Variants in OTOA observed in about 807,000 individuals in gnomAD.
OTOA encodes the protein otoancorin.
Under a neutral mutation model 110.8 loss-of-function variants are expected in OTOA, and 70 were observed. That is an observed-to-expected ratio of 0.63 (90% CI 0.52 to 0.77). The LOEUF (loss-of-function observed/expected upper bound fraction) is 0.77. Ranked by LOEUF, OTOA falls within the 30% of genes least tolerant of loss-of-function variation. The pLI, the probability that OTOA is intolerant of heterozygous loss-of-function variation, is 0.00. For synonymous variants in OTOA, 373 were observed against 431.5 expected (o/e 0.86, Z 1.68); for missense variants, 917 against 1,075.8 (o/e 0.85, Z 2.06).
At chr16:21,696,794 T>G (rs890944462) in intron 9 of OTOA, among the ~76,000 whole-genome samples, 1 of 152,044 alleles carries the variant, frequency 6.6e-6, no homozygotes, top group Non-Finnish European at 1.5e-5. Flanking sequence ...GCCTCATGTT[T>G]CCAGATTATT....
At chr16:21,728,757 T>A (rs981164046) in intron 20 of OTOA, among the ~76,000 whole-genome samples, 3 of 152,010 alleles carry the variant, frequency 2.0e-5, no homozygotes, top group African/African-American at 7.2e-5. Context: ...CCCAGCTATT[T>A]TTTGCATTTT....
At chr16:21,720,325 C>T (rs1343564875) in intron 17 of OTOA, among the ~76,000 whole-genome samples, 7 of 152,122 alleles carry the variant, frequency 4.6e-5, no homozygotes, top group South Asian at 4.1e-4. Flanking sequence ...TGGTGTGAAC[C>T]GCTGGCTTAC....
chr16:21,706,110 A>G (rs2141681718), intron 12 of OTOA, among the ~76,000 whole-genome samples: 1 of 152,260 alleles, frequency 6.6e-6, no homozygotes, highest in East Asian at 1.9e-4. Context: ...AGAAAAGAAA[A>G]GAAAGGGACA....
chr16:21,726,823 C>T (rs1179876895), intron 19 of OTOA, among the ~76,000 whole-genome samples, 165 bp downstream of exon 19: 1 of 151,976 alleles, frequency 6.6e-6, no homozygotes. Flanking sequence ...ACAATCTTTT[C>T]CATTGGTTCT....
At chr16:21,726,689 C>T (rs954638743) in intron 19 of OTOA, 31 bp downstream of exon 19, 2 of 1,613,646 alleles carry the variant, frequency 1.2e-6, no homozygotes, top group African/African-American at 1.3e-5. Context: ...TGTCCCCTCC[C>T]TCTGGGTATC....
chr16:21,716,863 T>C, intron 14 of OTOA, 44 bp from the exon 15 acceptor site: 1 of 1,612,116 alleles, frequency 6.2e-7, no homozygotes, highest in Non-Finnish European at 8.5e-7. Flanking sequence ...CAAAGCTCAA[T>C]GCATTTTTTA....
intron 1 of OTOA, among the ~76,000 whole-genome samples, chr16:21,675,079 T>G (rs200021659): frequency 2.9e-5 from 3 of 102,806 alleles, no homozygotes; most frequent in South Asian, 2.9e-4. Context: ...CTTTCTTTCT[T>G]TCTTTCTTTC....
At chr16:21,699,637 G>A (rs939763430) in intron 10 of OTOA, among the ~76,000 whole-genome samples, 1 of 151,064 alleles carries the variant, frequency 6.6e-6, no homozygotes, top group Non-Finnish European at 1.5e-5. Flanking sequence ...ACTGTGTCTT[G>A]GCCGGGCGCA....
Position 21,728,259 on chromosome 16 carries a change from G to A in OTOA, c.2035G>A (p.Glu679Lys), listed in dbSNP as rs1341252604. ...GGTTCAGGACGACTCCATTGCTGAT[G>A]AGTACACTGTGGACATCATGGGGAA... ...QQCLDDSIAD[E>K]YTVDIMGNLL... The change falls in exon 20 of 29, where the codon GAG becomes AAG. Residue 679 changes from glutamate (E) to lysine (K), a missense_variant. Glu to Lys is a moderately conservative substitution (Grantham distance 56). Coordinates refer to ENST00000646100, the MANE Select transcript of OTOA (RefSeq NM_144672.4). The A allele has an allele frequency of 1.2e-6, 2 of 1,614,062 alleles. No homozygotes were observed. Among genetic ancestry groups the A allele is most frequent in the East Asian group, 2.2e-5 (1 of 44,886 alleles).
At chr16:21,675,145 T>TC in intron 1 of OTOA, among the ~76,000 whole-genome samples, 1 of 147,548 alleles carries the variant, frequency 6.8e-6, no homozygotes, top group South Asian at 2.1e-4. Context: ...CCTTCTTTCT[T>TC]TTTCTTTCTC....
At chr16:21,714,397 TTCTCTTTCTTTCTC>T (rs1898474626) in intron 13 of OTOA, among the ~76,000 whole-genome samples, 1 of 78,804 alleles carries the variant, frequency 1.3e-5, no homozygotes. Context: ...CTCTCTTTCT[TTCTCTTTCTTTCTC>T]TTTCTTTCTT....
In OTOA at chr16:21,687,630, A is replaced by G; in HGVS notation, c.617A>G (p.Glu206Gly). The G allele has an allele frequency of 6.2e-7, 1 of 1,603,766 alleles. No homozygotes were observed. Among genetic ancestry groups the G allele is most frequent in the Middle Eastern group, 1.7e-4 (1 of 5,720 alleles). ...ITERLPRDLREDAFKNLSAVF... is the reference protein window; with the variant it reads ...ITERLPRDLRGDAFKNLSAVF... ...GAGCGGCTCCCTCGGGACCTGCGCGAGGATGCCTTTAAGAACCTGTGAGTG... is the reference window on the plus strand; with the variant it reads ...GAGCGGCTCCCTCGGGACCTGCGCGGGGATGCCTTTAAGAACCTGTGAGTG... Residue 206 changes from glutamate (E) to glycine (G), a missense_variant, in exon 8 of 29, where the codon GAG becomes GGG. This residue lies in a region of OTOA where 840 missense variants were observed against 910.2 expected (regional missense o/e 0.92). Transcript: ENST00000646100.
At chr16:21,672,280 G>GT (rs1966850240) in intron 1 of OTOA, among the ~76,000 whole-genome samples, 1 of 152,116 alleles carries the variant, frequency 6.6e-6, no homozygotes, top group Non-Finnish European at 1.5e-5. Flanking sequence ...TATAATATGG[G>GT]TTTTTTCCCT....
At chr16:21,718,688 C>T (rs965303514) in intron 15 of OTOA, among the ~76,000 whole-genome samples, 11 of 152,180 alleles carry the variant, frequency 7.2e-5, no homozygotes, top group Non-Finnish European at 1.0e-4. Flanking sequence ...GGTTTGAAGA[C>T]AGTGCATGCT....
intron 7 of OTOA, 149 bp from the exon 8 acceptor site, chr16:21,687,264 G>A: frequency 5.6e-6 from 4 of 718,256 alleles, no homozygotes; most frequent in Non-Finnish European, 9.9e-6. Flanking sequence ...GTTCTGCAGG[G>A]AATGGAAAGT....
At chr16:21,702,813 C>T (rs1898078706) in intron 11 of OTOA, among the ~76,000 whole-genome samples, 1 of 152,060 alleles carries the variant, frequency 6.6e-6, no homozygotes. Flanking sequence ...GTAGCTGGGA[C>T]TACAGGCACA....
chr16:21,717,773 C>A (rs1486067893), intron 15 of OTOA, among the ~76,000 whole-genome samples: 1 of 151,988 alleles, frequency 6.6e-6, no homozygotes, highest in Non-Finnish European at 1.5e-5. Context: ...CAAGCACAGC[C>A]CAACAGTGCG....
intron 13 of OTOA, among the ~76,000 whole-genome samples, chr16:21,714,377 TTCTC>T (rs1217948374): frequency 1.0e-5 from 1 of 98,630 alleles, no homozygotes; most frequent in East Asian, 2.3e-4. Context: ...TTCTCTCTCT[TTCTC>T]TCTTTCTCTC....
chr16:21,691,609 G>A lies in OTOA; in HGVS notation c.661G>A (p.Asp221Asn), dbSNP rs142693996. 1.1e-5 allele frequency: 18 copies of A among 1,613,662 alleles called. No homozygotes were observed. Among genetic ancestry groups the A allele is most frequent in the African/African-American group, 9.4e-5 (7 of 74,862 alleles). ...ATCTGCAGTGTTCAAAGATCTCTACGACAAAACCTCGGCTCATTCCCAGAG... is the reference window on the plus strand; with the variant it reads ...ATCTGCAGTGTTCAAAGATCTCTACAACAAAACCTCGGCTCATTCCCAGAG... ...NLSAVFKDLY[D>N]KTSAHSQRAL... The change falls in exon 9 of 29, where the codon GAC (aspartate) becomes AAC (asparagine). Residue 221 changes from aspartate (D) to asparagine (N), a missense_variant. Asp to Asn is a conservative substitution (Grantham distance 23). Around this residue, in one of 6 missense-constraint regions of OTOA, gnomAD observed 840 missense variants for 910.2 expected, o/e 0.92. Coordinates refer to ENST00000646100, the MANE Select transcript of OTOA (RefSeq NM_144672.4).
Sources: allele counts gnomAD v4.1 joint callset (sites outside exome capture counted in the v4.1 genomes callset), GRCh38; gene constraint gnomAD v4.1.1; regional missense constraint gnomAD v4.1.1; transcripts MANE v1.5; gene names NCBI Gene and HGNC (gene_info 2026-07-23, HGNC 2026-07-21).